WASHC5: variants seen among roughly 807,000 people sequenced by gnomAD.
WASHC5 encodes the protein WASH complex subunit 5.
Under a neutral mutation model 150.4 loss-of-function variants are expected in WASHC5, and 101 were observed. That is an observed-to-expected ratio of 0.67 (90% confidence interval 0.57 to 0.79). The LOEUF (loss-of-function observed/expected upper bound fraction) is 0.79. Ranked by LOEUF, WASHC5 falls within the 30% of genes least tolerant of loss-of-function variation. The probability of loss-of-function intolerance (pLI) is 0.00; values close to 1 mark genes in which losing one functional copy is unlikely to be tolerated. For missense variants in WASHC5, 1,195 were observed against 1,396.3 expected (o/e 0.86, Z 2.30); for synonymous variants, 467 against 491.2 (o/e 0.95, Z 0.65).
At position 125,031,369 on chromosome 8, in the gene WASHC5, T is replaced by C. The variant is rs1815529397; in HGVS notation, c.3335+872A>G. Among the ~76,000 whole-genome samples the C allele has an allele frequency of 2.0e-5, 3 of 152,222 alleles. No individual in the cohort carries two copies. The South Asian group carries it at 6.2e-4, about 32-fold the overall frequency. ...AGCTCACTGCACCTCTGAGGCCTCC[T>C]GGGTTCAAGCAATCCTCCTGCCTCA... On this transcript the variant is annotated intron_variant, in intron 27 of 28. Transcript: ENST00000318410.
At chr8:125,085,540 A>G (rs928576737) in intron 1 of WASHC5, among the ~76,000 whole-genome samples, 1 of 152,226 alleles carries the variant, frequency 6.6e-6, no homozygotes, top group African/African-American at 2.4e-5. Flanking sequence ...AAAAGATGTC[A>G]CTAGGAATGA....
intron 17 of WASHC5, among the ~76,000 whole-genome samples, chr8:125,053,665 C>T (rs1816315499): frequency 6.6e-6 from 1 of 152,000 alleles, no homozygotes; most frequent in South Asian, 2.1e-4. Flanking sequence ...ACCAAAGTTC[C>T]ATTTAGGTAC....
At position 125,083,768 on chromosome 8, in the gene WASHC5, T is replaced by C; in HGVS notation, c.131A>G (p.Asp44Gly). 6.2e-7 allele frequency: 1 copy of C among 1,613,934 alleles called. No homozygotes were observed. The highest frequency in any genetic ancestry group is 1.1e-5 in the South Asian group (1 of 91,078). ...EFIPAVFRLK[D>G]RADQQKYGDI... ...TCCATATTTCTGTTGATCAGCTCTG[T>C]CTTTTAACCTGAACACAGCAGGAAT... The change falls in exon 2 of 29, where the codon GAC becomes GGC. Residue 44 changes from aspartate to glycine, a missense_variant. Transcript: ENST00000318410.
intron 10 of WASHC5, among the ~76,000 whole-genome samples, chr8:125,065,177 G>A (rs562510691): frequency 6.6e-6 from 1 of 152,178 alleles, no homozygotes. Flanking sequence ...AAAAACACAG[G>A]TCCAATTACT....
intron 9 of WASHC5, among the ~76,000 whole-genome samples, chr8:125,071,720 T>C (rs1586376217): frequency 6.6e-6 from 1 of 152,198 alleles, no homozygotes; most frequent in Non-Finnish European, 1.5e-5. Flanking sequence ...GCCTTGGACC[T>C]TGAATTAGTT....
At chr8:125,043,638 A>C (rs190230265) in intron 23 of WASHC5, among the ~76,000 whole-genome samples, 187 bp downstream of exon 23, 1 of 152,378 alleles carries the variant, frequency 6.6e-6, no homozygotes, top group East Asian at 1.9e-4. Context: ...AAAAAGCCTA[A>C]TCAAGAACAG....
chr8:125,032,020 C>T (rs1030144650), intron 27 of WASHC5, among the ~76,000 whole-genome samples: 2 of 152,170 alleles, frequency 1.3e-5, no homozygotes, highest in African/African-American at 4.8e-5. Flanking sequence ...CCTGGAAAAT[C>T]AATGTGAGTA....
chr8:125,067,605 A>C lies in WASHC5; in HGVS notation c.1265T>G (p.Phe422Cys). 1 of 1,610,692 alleles carries C rather than the reference A, an allele frequency of 6.2e-7. No individual in the cohort carries two copies. The highest frequency in any genetic ancestry group is 8.5e-7 in the Non-Finnish European group (1 of 1,177,046). ...AAATATTTTTACCTCTTTGAGTATA[A>C]ACTCAAATTGTGCAGTATCTAACAG... ...QLLLDTAQFE[F>C]ILKEMFKQML... The change falls in exon 10 of 29, where the codon TTT (phenylalanine) becomes TGT (cysteine). Residue 422 changes from phenylalanine (F) to cysteine (C), a missense_variant. Coordinates refer to ENST00000318410, the MANE Select transcript of WASHC5 (RefSeq NM_014846.4).
At position 125,056,907 on chromosome 8, in the gene WASHC5, A is replaced by G. The variant is rs28478399; in HGVS notation, c.1876-90T>C. ...ATTAGGATGCCTAATTTGTCTATATAGGGGGATGCTGAAAAATGTAAAAGA... is the reference window on the plus strand; with the variant it reads ...ATTAGGATGCCTAATTTGTCTATATGGGGGGATGCTGAAAAATGTAAAAGA... On this transcript the variant is annotated intron_variant, in intron 15 of 28. Coordinates refer to ENST00000318410, the MANE Select transcript of WASHC5 (RefSeq NM_014846.4). The G allele has an allele frequency of 7.2e-3, 10,676 of 1,481,646 alleles. 614 individuals are homozygous for G. In the African/African-American group the frequency reaches 0.13, roughly 18 times the overall value. The allele number at this position is 1,481,646 out of a possible 1,614,324, so 91.8% of individuals were successfully genotyped here.
chr8:125,042,486 T>A (rs1166575150), intron 23 of WASHC5, among the ~76,000 whole-genome samples: 1 of 152,120 alleles, frequency 6.6e-6, no homozygotes, highest in Non-Finnish European at 1.5e-5. Context: ...AATTTGTCCT[T>A]TGGGGCTTTA....
chr8:125,072,335 T>TAA (rs1214416109), intron 9 of WASHC5, among the ~76,000 whole-genome samples: 2,344 of 69,856 alleles, frequency 0.034, 214 homozygotes, highest in African/African-American at 0.11. Context: ...GATCCTGTCT[T>TAA]AAAAAAAAAA....
At position 125,032,335 on chromosome 8, in the gene WASHC5, G is replaced by C; in HGVS notation, c.3241C>G (p.Leu1081Val). Residue 1081 changes from leucine to valine, a missense_variant, in exon 27 of 29, where the codon CTC (leucine) becomes GTC (valine). Leu to Val is a conservative substitution (Grantham distance 32). Transcript: ENST00000318410. ...VDWPPLVLGL[L>V]TLLKQFHSRY... Reference sequence around the variant, plus strand: ...GAATGGAACTGCTTCAGCAGAGTGAGCAGTCCCAGGACAAGTGGTGGCCAA... The same window carrying C: ...GAATGGAACTGCTTCAGCAGAGTGACCAGTCCCAGGACAAGTGGTGGCCAA... The C allele has an allele frequency of 6.2e-7, 1 of 1,614,168 alleles. No homozygotes were observed. Among genetic ancestry groups the C allele is most frequent in the Non-Finnish European group, 8.5e-7 (1 of 1,180,024 alleles).
chr8:125,061,231 G>A (rs781477417), intron 11 of WASHC5, 37 bp from the exon 12 acceptor site: 13 of 1,103,298 alleles, frequency 1.2e-5, no homozygotes, highest in East Asian at 9.5e-5. Context: ...TGAAATCCTC[G>A]AATTCCTGTA....
chr8:125,040,186 CA>C (rs1815845017), intron 23 of WASHC5, among the ~76,000 whole-genome samples: 1 of 152,150 alleles, frequency 6.6e-6, no homozygotes, highest in African/African-American at 2.4e-5. Flanking sequence ...GTTCATGTAT[CA>C]AAGATGTCTT....
rs1816782806 is a variant in WASHC5, at chr8:125,067,594, C to CT, written c.1275dup (p.Glu426ArgfsTer27). 3 of 1,608,630 alleles carry CT rather than the reference C, an allele frequency of 1.9e-6. No homozygotes were observed. The highest frequency in any genetic ancestry group is 2.2e-5 in the East Asian group (1 of 44,790). On this transcript the variant is annotated frameshift_variant, in exon 10 of 29. Transcript: ENST00000318410. LOFTEE classifies it high-confidence loss of function. The stretch of plus-strand genomic sequence containing the variant: ...GATATTCATTCAAATATTTTTACCT[C>CT]TTTGAGTATAAACTCAAATTGTGCA...
rs563273945 is a variant in WASHC5 at position 125,052,718 on chromosome 8, C to T, written c.2098-2053G>A. ...TTCCAGTACTAAATTCTTTTTGAATCGCTCTAGACCAATCCACAGTACGAA... is the reference window on the plus strand; with the variant it reads ...TTCCAGTACTAAATTCTTTTTGAATTGCTCTAGACCAATCCACAGTACGAA... On this transcript the variant is annotated intron_variant, in intron 17 of 28. Transcript: ENST00000318410. 1.4e-4 allele frequency among the ~76,000 whole-genome samples: 22 copies of T among 151,958 alleles called. 1 individual carries two copies. The South Asian group carries it at 3.7e-3, about 26-fold the overall frequency.
intron 26 of WASHC5, among the ~76,000 whole-genome samples, chr8:125,036,675 AAAT>A (rs1194852927): frequency 7.0e-6 from 1 of 143,596 alleles, no homozygotes; most frequent in Non-Finnish European, 1.5e-5. Context: ...TTGTCTCAAA[AAAT>A]AAATAAAATA....
At chr8:125,084,800 C>T (rs1352020479) in intron 1 of WASHC5, among the ~76,000 whole-genome samples, 12 of 152,198 alleles carry the variant, frequency 7.9e-5, no homozygotes, top group African/African-American at 2.9e-4. Context: ...AAACATCTCA[C>T]CTTCTAGTCC....
At position 125,043,842 on chromosome 8, in the gene WASHC5, G is replaced by C. The variant is rs777035089; in HGVS notation, c.2833C>G (p.Leu945Val). 96 of 1,610,244 alleles carry C rather than the reference G, an allele frequency of 6.0e-5. No homozygotes were observed. The highest frequency in any genetic ancestry group is 8.1e-5 in the Non-Finnish European group (95 of 1,176,672). ...AKTQKIWTAY[L>V]EAIMKVGQMQ... The stretch of plus-strand genomic sequence containing the variant: ...CAACATACCTTCATTATAGCCTCGA[G>C]ATACGCAGTCCAAATCTTCTGTGTT... The change falls in exon 23 of 29, where the codon CTC becomes GTC. Residue 945 changes from leucine (L) to valine (V), a missense_variant. Leu to Val is a conservative substitution (Grantham distance 32). Coordinates refer to ENST00000318410, the MANE Select transcript of WASHC5 (RefSeq NM_014846.4).
Sources: gnomAD v4.1 joint callset for allele counts (sites outside exome capture counted in the v4.1 genomes callset) on GRCh38, gnomAD v4.1.1 for gene constraint, MANE v1.5 for transcripts, NCBI Gene and HGNC (gene_info 2026-07-23, HGNC 2026-07-21) for gene names.